The following MYO9A variants were observed in gnomAD, a reference collection of about 807,000 sequenced individuals.
The protein encoded by MYO9A is unconventional myosin-IXa.
MYO9A carries 103 observed loss-of-function variants against 293.3 expected under a neutral mutation model. That is an observed-to-expected ratio of 0.35 (90% confidence interval 0.30 to 0.41). MYO9A has a LOEUF of 0.41. Ranked by LOEUF, MYO9A falls within the 10% of genes least tolerant of loss-of-function variation. The pLI, the probability that MYO9A is intolerant of heterozygous loss-of-function variation, is 1.00. For missense variants in MYO9A, 2,685 were observed against 3,033.0 expected, an observed-to-expected ratio of 0.89 and a Z score of 2.69; for synonymous variants, 1,001 against 1,035.7, an observed-to-expected ratio of 0.97 and a Z score of 0.64.
intron 2 of MYO9A, among the ~76,000 whole-genome samples, chr15:72,042,310 G>C (rs1008690354): frequency 1.3e-5 from 2 of 151,776 alleles, no homozygotes; most frequent in Non-Finnish European, 2.9e-5. Flanking sequence ...GACCAGCCTG[G>C]GCAACACTGT....
chr15:72,116,469 T>C (rs1167730800), intron 1 of MYO9A, among the ~76,000 whole-genome samples: 2 of 152,220 alleles, frequency 1.3e-5, no homozygotes, highest in Admixed American at 6.5e-5. Flanking sequence ...TTGTTGGTAA[T>C]GACCTCAGTG....
chr15:71,854,398 G>C lies in MYO9A; in HGVS notation c.6325C>G (p.Leu2109Val). 2.5e-6 allele frequency: 4 copies of C among 1,595,844 alleles called. No individual in the cohort carries two copies. Among genetic ancestry groups the C allele is most frequent in the Non-Finnish European group, 3.4e-6 (4 of 1,172,584 alleles). ...TTACCTGTATCTAGACCCTGCCGAA[G>C]CTCCTTGATTTTATTAGTCGAACCA... ...KSGSTNKIKE[L>V]RQGLDTDAES... The change falls in exon 35 of 42, where the codon CTT becomes GTT. Residue 2109 changes from leucine (L) to valine (V), a missense_variant. By Grantham distance (32) the Leu-to-Val change is conservative. Coordinates refer to ENST00000356056, the MANE Select transcript of MYO9A (RefSeq NM_006901.4).
intron 1 of MYO9A, among the ~76,000 whole-genome samples, chr15:72,096,472 G>A (rs1415492353): frequency 1.3e-5 from 2 of 152,344 alleles, no homozygotes; most frequent in South Asian, 2.1e-4. Context: ...GAGACCTACT[G>A]CTCAGAAAAA....
At chr15:71,849,288 A>G (rs1055574703) in intron 38 of MYO9A, among the ~76,000 whole-genome samples, 1 of 152,014 alleles carries the variant, frequency 6.6e-6, no homozygotes, top group African/African-American at 2.4e-5. Flanking sequence ...TGTCTCTACT[A>G]AAAATACTAA....
chr15:71,937,447 A>G (rs527739636), intron 16 of MYO9A, among the ~76,000 whole-genome samples: 100 of 152,276 alleles, frequency 6.6e-4, no homozygotes, highest in Admixed American at 1.5e-3. Context: ...CTACCAGCAA[A>G]AAGATTATGA....
chr15:72,034,061 G>T (rs544032984), intron 2 of MYO9A, among the ~76,000 whole-genome samples: 1 of 152,100 alleles, frequency 6.6e-6, no homozygotes, highest in Admixed American at 6.5e-5. Flanking sequence ...ATACACGGAC[G>T]CACGCACACA....
intron 15 of MYO9A, among the ~76,000 whole-genome samples, chr15:71,939,507 C>T (rs2058719616): frequency 6.6e-6 from 1 of 152,182 alleles, no homozygotes; most frequent in Admixed American, 6.5e-5. Context: ...CCTCCAGCTC[C>T]ATCCATGTTC....
chr15:71,885,701 C>T (rs919067918), intron 27 of MYO9A, among the ~76,000 whole-genome samples: 1 of 152,078 alleles, frequency 6.6e-6, no homozygotes, highest in African/African-American at 2.4e-5. Context: ...CACTCAGTGG[C>T]GTCTTCAAAT....
intron 9 of MYO9A, among the ~76,000 whole-genome samples, chr15:71,998,758 G>A (rs940901689): frequency 6.6e-6 from 1 of 151,564 alleles, no homozygotes; most frequent in African/African-American, 2.4e-5. Flanking sequence ...TCCCCAGAGT[G>A]TGATGTTCCC....
intron 39 of MYO9A, among the ~76,000 whole-genome samples, chr15:71,846,944 T>A (rs887113796): frequency 2.0e-5 from 3 of 152,190 alleles, no homozygotes; most frequent in South Asian, 2.1e-4. Context: ...TATTTCTACA[T>A]CTGGGAGGAC....
chr15:71,866,603 A>C (rs1290130218), intron 32 of MYO9A, among the ~76,000 whole-genome samples: 2 of 152,160 alleles, frequency 1.3e-5, no homozygotes, highest in Non-Finnish European at 2.9e-5. Flanking sequence ...ATCAGAAGAA[A>C]AGATTCAAAA....
rs1262794702 is a variant in MYO9A, at chr15:71,854,537, C to T, written c.6186G>A (p.Gly2062=). 1.2e-6 allele frequency: 2 copies of T among 1,604,628 alleles called. No individual in the cohort carries two copies. The highest frequency in any genetic ancestry group is 8.5e-7 in the Non-Finnish European group (1 of 1,176,696). Residue 2062 remains glycine, a synonymous_variant, in exon 35 of 42, where the codon GGG becomes GGA. Transcript: ENST00000356056. ...CACTGGTCAAACGGGACAGTTCAAC[C>T]CCAAATTGTCGAGATGACAGCTCTG... ...YDPELSSRQF[G]VELSRLTSED...
chr15:72,061,613 G>A (rs2078881601), intron 1 of MYO9A, among the ~76,000 whole-genome samples: 2 of 151,920 alleles, frequency 1.3e-5, no homozygotes, highest in South Asian at 4.2e-4. Flanking sequence ...CCTACGGAAA[G>A]AAGAGGAAAG....
chr15:72,057,361 C>A (rs903199957), intron 1 of MYO9A, among the ~76,000 whole-genome samples: 2 of 152,174 alleles, frequency 1.3e-5, no homozygotes, highest in African/African-American at 4.8e-5. Context: ...TAAAACATAA[C>A]GTGAATTATT....
At chr15:71,949,425 T>G (rs553142082) in intron 15 of MYO9A, among the ~76,000 whole-genome samples, 17 of 151,726 alleles carry the variant, frequency 1.1e-4, no homozygotes, top group Non-Finnish European at 1.9e-4. Context: ...TTTTTTGTTT[T>G]TTTTTTTTTT....
At chr15:71,890,644 T>G (rs1353963800) in intron 26 of MYO9A, 1 of 152,130 alleles carries the variant, frequency 6.6e-6, no homozygotes, top group African/African-American at 2.4e-5. Flanking sequence ...AGTAAGAGGT[T>G]AAAAAACACC....
chr15:72,028,484 C>G (rs2077755202), intron 3 of MYO9A, among the ~76,000 whole-genome samples: 1 of 149,874 alleles, frequency 6.7e-6, no homozygotes, highest in Non-Finnish European at 1.5e-5. Flanking sequence ...CCCATCACTA[C>G]TAAAAATACA....
rs66598621 is a variant in MYO9A, at chr15:71,861,679, TAA to T, written c.6091+819_6091+820del. On this transcript the variant is annotated intron_variant, in intron 33 of 41. Transcript: ENST00000356056. Reference sequence around the variant, plus strand: ...ATCACCGTTTTAGGCACTGATGATATAAAAAAAAAAAAAAAAAAAAAACAAAT... The same window carrying T: ...ATCACCGTTTTAGGCACTGATGATATAAAAAAAAAAAAAAAAAAAACAAAT... 1.8e-3 allele frequency among the ~76,000 whole-genome samples: 146 copies of T among 82,906 alleles called. 1 individual carries two copies. Among genetic ancestry groups the T allele is most frequent in the African/African-American group, 4.8e-3 (116 of 23,918 alleles). 54.4% of individuals were successfully genotyped at this position (82,906 alleles called of 152,430 possible).
chr15:72,023,819 A>T (rs2077580302), intron 4 of MYO9A, among the ~76,000 whole-genome samples: 1 of 152,170 alleles, frequency 6.6e-6, no homozygotes, highest in Non-Finnish European at 1.5e-5. Flanking sequence ...TCCAAATTTG[A>T]TGGAAAACAT....
Sources: allele counts gnomAD v4.1 joint callset (sites outside exome capture counted in the v4.1 genomes callset), GRCh38; gene constraint gnomAD v4.1.1; transcripts MANE v1.5; gene names NCBI Gene and HGNC (gene_info 2026-07-23, HGNC 2026-07-21).